ANO10: variants seen among roughly 807,000 people sequenced by gnomAD.
ANO10 encodes the protein anoctamin 10.
ANO10 carries 77 observed loss-of-function variants against 74.7 expected under a neutral mutation model. The ratio of observed to expected loss-of-function variants is 1.03; its 90% CI spans 0.86 to 1.25. The LOEUF is 1.25. Among genes scored for constraint, ANO10 ranks in the 50% most tolerant of loss-of-function variants. The pLI, the probability that ANO10 is intolerant of heterozygous loss-of-function variation, is 0.00. For synonymous variants in ANO10, 279 were observed against 284.9 expected, an observed-to-expected ratio of 0.98 and a Z score of 0.21; for missense variants, 721 against 778.1, an observed-to-expected ratio of 0.93 and a Z score of 0.87.
At chr3:43,576,597 A>G (rs1456412939) in intron 6 of ANO10, 95 bp downstream of exon 6, 5 of 1,345,310 alleles carry the variant, frequency 3.7e-6, no homozygotes, top group Non-Finnish European at 5.2e-6. Context: ...AGCAACATCT[A>G]TTTTCTCTGC....
intron 1 of ANO10, among the ~76,000 whole-genome samples, chr3:43,674,007 G>A (rs1415106997): frequency 6.6e-6 from 1 of 152,168 alleles, no homozygotes; most frequent in Non-Finnish European, 1.5e-5. Flanking sequence ...ATCAGAATGG[G>A]AGCTGGTATA....
chr3:43,485,189 GGTCAGGTACCGGTA>G, intron 11 of ANO10: 1 of 705,978 alleles, frequency 1.4e-6, no homozygotes, highest in South Asian at 1.6e-5. Flanking sequence ...CGCCTGCGGT[GGTCAGGTACCGGTA>G]TTGCCGGTAC....
At chr3:43,375,716 G>GA (rs974115009) in intron 12 of ANO10, among the ~76,000 whole-genome samples, 1 of 152,090 alleles carries the variant, frequency 6.6e-6, no homozygotes, top group Non-Finnish European at 1.5e-5. Context: ...CCTCAGGCAG[G>GA]ACTCCCTGGA....
intron 2 of ANO10, among the ~76,000 whole-genome samples, chr3:43,603,000 T>C (rs1356994283): frequency 6.6e-6 from 1 of 152,232 alleles, no homozygotes; most frequent in Non-Finnish European, 1.5e-5. Context: ...CCATCACCTA[T>C]TCTCACAGTA....
chr3:43,394,369 T>C (rs1014400441), intron 12 of ANO10, among the ~76,000 whole-genome samples: 6 of 152,166 alleles, frequency 3.9e-5, no homozygotes, highest in Non-Finnish European at 8.8e-5. Context: ...CTGTCATAAA[T>C]ATACCACCAG....
chr3:43,580,201 T>C (rs989863111), intron 5 of ANO10, 152 bp downstream of exon 5: 4 of 1,061,476 alleles, frequency 3.8e-6, no homozygotes, highest in Non-Finnish European at 5.8e-6. Flanking sequence ...CCTATCTTAT[T>C]CCCTCCATCA....
At chr3:43,495,593 T>C (rs6802567) in intron 11 of ANO10, among the ~76,000 whole-genome samples, 21,728 of 152,112 alleles carry the variant, frequency 0.14, 1,928 homozygotes, top group African/African-American at 0.24. Flanking sequence ...AGATGAGGCA[T>C]GGCAAGTGGC....
intron 12 of ANO10, among the ~76,000 whole-genome samples, chr3:43,424,332 A>G (rs992148885): frequency 1.3e-5 from 2 of 152,230 alleles, no homozygotes; most frequent in African/African-American, 4.8e-5. Flanking sequence ...ACTTTGGAAG[A>G]AACTTAGTTT....
chr3:43,423,659 G>A (rs1047018482), intron 12 of ANO10, among the ~76,000 whole-genome samples: 15 of 152,166 alleles, frequency 9.9e-5, no homozygotes, highest in Middle Eastern at 3.2e-3. Context: ...GACCCAAAAG[G>A]TGCAAAGGAG....
At chr3:43,536,995 CAAAAAA>C (rs5848666) in intron 11 of ANO10, among the ~76,000 whole-genome samples, 5 of 78,614 alleles carry the variant, frequency 6.4e-5, no homozygotes, top group Admixed American at 3.0e-4. Flanking sequence ...TTTCATCACT[CAAAAAA>C]AAAAAAAAAA....
At chr3:43,573,146 A>C (rs1352810845) in intron 7 of ANO10, among the ~76,000 whole-genome samples, 1 of 152,172 alleles carries the variant, frequency 6.6e-6, no homozygotes, top group African/African-American at 2.4e-5. Flanking sequence ...TTTCGAATGA[A>C]CTTTTTAATG....
chr3:43,599,638 G>T (rs951842744), intron 3 of ANO10, among the ~76,000 whole-genome samples: 8 of 152,118 alleles, frequency 5.3e-5, no homozygotes, highest in African/African-American at 1.4e-4. Context: ...AGGCGCGGTG[G>T]CTCATGCCTG....
chr3:43,547,759 T>C (rs2079265459), intron 11 of ANO10, among the ~76,000 whole-genome samples: 1 of 152,092 alleles, frequency 6.6e-6, no homozygotes, highest in Non-Finnish European at 1.5e-5. Context: ...TCTCCCGAAT[T>C]AAGTAAGAAG....
chr3:43,458,275 T>C (rs1320453606), intron 11 of ANO10, among the ~76,000 whole-genome samples: 1 of 152,170 alleles, frequency 6.6e-6, no homozygotes, highest in African/African-American at 2.4e-5. Context: ...AAGATCCTTA[T>C]AGCACCCCAC....
intron 12 of ANO10, among the ~76,000 whole-genome samples, chr3:43,380,413 A>ATTTGCC (rs1247136890): frequency 1.3e-5 from 2 of 152,228 alleles, no homozygotes; most frequent in African/African-American, 4.8e-5. Context: ...GAAGGAAAGA[A>ATTTGCC]TCTTAAGAGC....
intron 12 of ANO10, among the ~76,000 whole-genome samples, chr3:43,368,626 A>G (rs546932740): frequency 1.3e-5 from 2 of 152,292 alleles, no homozygotes; most frequent in South Asian, 4.1e-4. Context: ...ATTTCAGCCC[A>G]GGTTCACTGC....
chr3:43,592,046 G>C (rs1032249346), intron 4 of ANO10, among the ~76,000 whole-genome samples: 4 of 152,224 alleles, frequency 2.6e-5, no homozygotes, highest in African/African-American at 9.6e-5. Context: ...AGCAAGGCTG[G>C]GGGAGGGGCG....
chr3:43,503,015 T>C (rs1425622045), intron 11 of ANO10, among the ~76,000 whole-genome samples: 9 of 152,212 alleles, frequency 5.9e-5, no homozygotes, highest in Admixed American at 5.9e-4. Flanking sequence ...ATGATTACTG[T>C]GGTTGCACAT....
At chr3:43,485,877 TC>T in intron 11 of ANO10, 1 of 250,360 alleles carries the variant, frequency 4.0e-6, no homozygotes, top group Middle Eastern at 1.4e-3. Context: ...CCCAAGACCT[TC>T]ATGGCGTCCT....
Sources: allele counts gnomAD v4.1 joint callset (sites outside exome capture counted in the v4.1 genomes callset), GRCh38; gene constraint gnomAD v4.1.1; transcripts MANE v1.5; gene names NCBI Gene and HGNC (gene_info 2026-07-23, HGNC 2026-07-21).